The following UCHL1 variants were observed in gnomAD, a reference collection of about 807,000 sequenced individuals.
UCHL1 encodes the protein ubiquitin carboxyl-terminal hydrolase isozyme L1.
In UCHL1, 5 loss-of-function variants were observed where a neutral mutation model predicts 33.3. The ratio of observed to expected loss-of-function variants is 0.15; its 90% CI spans 0.08 to 0.32. UCHL1 has a LOEUF of 0.32. Ranked by LOEUF, UCHL1 falls within the 10% of genes least tolerant of loss-of-function variation. The pLI is 1.00. For missense variants in UCHL1, 236 were observed against 280.0 expected (o/e 0.84, Z 1.12); for synonymous variants, 132 against 108.8 (o/e 1.21, Z -1.33).
chr4:41,256,957 C>T lies in UCHL1; in HGVS notation c.-20C>T, dbSNP rs769324047. On this transcript the variant is annotated 5_prime_UTR_variant, in exon 1 of 9. Coordinates refer to ENST00000284440, the MANE Select transcript of UCHL1 (RefSeq NM_004181.5). ...GTTTTTCGTCTTCCCTAGGCTATTT[C>T]TGCCGGGCGCTCCGCGAAGATGCAG... The T allele has an allele frequency of 3.1e-6, 5 of 1,614,168 alleles. No homozygotes were observed. In the Admixed American group the frequency reaches 5.0e-5, roughly 16 times the overall value.
Position 41,257,073 on chromosome 4 carries a change from G to T in UCHL1, c.34-42G>T. ...CCGAGGGAGGGGGAGCCGAGTCGCT[G>T]ATCGGTTCGGTTTTGCCTTTTTCTT... On this transcript the variant is annotated intron_variant, in intron 1 of 8. Transcript: ENST00000284440. 4 of 1,614,124 alleles carry T rather than the reference G, an allele frequency of 2.5e-6. No individual in the cohort carries two copies. The South Asian group carries it at 4.4e-5, about 18-fold the overall frequency.
At chr4:41,262,010 C>G in intron 6 of UCHL1, 87 bp downstream of exon 6, 2 of 1,552,550 alleles carry the variant, frequency 1.3e-6, no homozygotes, top group East Asian at 4.7e-5. Context: ...TACTGGAACA[C>G]AGCAAATGTT....
chr4:41,267,463 G>T (rs1000723042), intron 8 of UCHL1, among the ~76,000 whole-genome samples: 1 of 152,052 alleles, frequency 6.6e-6, no homozygotes, highest in Admixed American at 6.5e-5. Flanking sequence ...GGCCAGGATG[G>T]TCTCTATCTC....
intron 2 of UCHL1, 48 bp from the exon 3 acceptor site, chr4:41,257,561 C>G: frequency 6.9e-7 from 1 of 1,459,628 alleles, no homozygotes. Flanking sequence ...CAGGTGCCCG[C>G]GACCCGCGTG....
chr4:41,257,423 A>G, intron 2 of UCHL1, 186 bp from the exon 3 acceptor site: 1 of 950,532 alleles, frequency 1.1e-6, no homozygotes. Flanking sequence ...CGCGGGCGCC[A>G]CGTGTGGGCC....
chr4:41,262,015 A>G, intron 6 of UCHL1, 92 bp downstream of exon 6: 1 of 1,536,714 alleles, frequency 6.5e-7, no homozygotes, highest in Admixed American at 1.9e-5. Context: ...GAACACAGCA[A>G]ATGTTATCCA....
In UCHL1 at chr4:41,260,807, G is replaced by A. The variant is rs1369136025; in HGVS notation, c.325+10G>A. On this transcript the variant is annotated intron_variant, in intron 4 of 8. Coordinates refer to ENST00000284440, the MANE Select transcript of UCHL1 (RefSeq NM_004181.5). ...GACAAACTGGGATTTGGTAGGTGTG[G>A]GTTTTGAGGCCAGCCATCCTAAGCT... 1.9e-6 allele frequency: 3 copies of A among 1,614,098 alleles called. No homozygotes were observed. Among genetic ancestry groups the A allele is most frequent in the South Asian group, 1.1e-5 (1 of 91,068 alleles).
chr4:41,264,378 T>A (rs1245049857), intron 8 of UCHL1: 2 of 612,318 alleles, frequency 3.3e-6, no homozygotes, highest in Non-Finnish European at 2.9e-6. Flanking sequence ...GTAATCTGTT[T>A]CATGTGTTGT....
intron 3 of UCHL1, among the ~76,000 whole-genome samples, chr4:41,259,983 C>T (rs1017151012): frequency 2.2e-4 from 33 of 152,300 alleles, no homozygotes; most frequent in Admixed American, 1.8e-3. Flanking sequence ...CCTCAAATTG[C>T]CAGTCTGTCC....
intron 3 of UCHL1, among the ~76,000 whole-genome samples, chr4:41,259,537 G>C (rs913746858): frequency 6.6e-6 from 1 of 152,158 alleles, no homozygotes; most frequent in African/African-American, 2.4e-5. Flanking sequence ...TGGGGTAAGA[G>C]ATCTTACTCT....
rs559788950 is a variant in UCHL1 at position 41,257,544 on chromosome 4, C to T, written c.46-65C>T. The stretch of plus-strand genomic sequence containing the variant: ...GAGGGCGCGCGCCTCCTGGCCCCGC[C>T]CCCTGGCAGGTGCCCGCGACCCGCG... On this transcript the variant is annotated intron_variant, in intron 2 of 8. Coordinates refer to ENST00000284440, the MANE Select transcript of UCHL1 (RefSeq NM_004181.5). The T allele has an allele frequency of 2.4e-4, 341 of 1,431,494 alleles. 1 individual carries two copies. In the South Asian group the frequency reaches 4.8e-3, roughly 20 times the overall value. The allele number at this position is 1,431,494 out of a possible 1,614,324, so 88.7% of individuals were successfully genotyped here.
At chr4:41,258,602 T>C (rs986963124) in intron 3 of UCHL1, among the ~76,000 whole-genome samples, 1 of 152,192 alleles carries the variant, frequency 6.6e-6, no homozygotes, top group African/African-American at 2.4e-5. Context: ...TTGCTGTCAC[T>C]TGACCGCTGA....
At chr4:41,265,859 G>A (rs1476050250) in intron 8 of UCHL1, among the ~76,000 whole-genome samples, 2 of 152,176 alleles carry the variant, frequency 1.3e-5, no homozygotes, top group Non-Finnish European at 2.9e-5. Context: ...GAGCCAGGAT[G>A]GGATGGAAGG....
chr4:41,259,459 T>C (rs1186548407), intron 3 of UCHL1, among the ~76,000 whole-genome samples: 43 of 152,324 alleles, frequency 2.8e-4, no homozygotes, highest in African/African-American at 1.0e-3. Flanking sequence ...GGTCAATGAA[T>C]ACTAAGTTGA....
rs961648859 is a variant in UCHL1, at chr4:41,263,082, T to C, written c.460-143T>C. The C allele has an allele frequency of 2.9e-5, 20 of 699,204 alleles. No homozygotes were observed. The South Asian group carries it at 3.2e-4, about 11-fold the overall frequency. 43.3% of individuals were successfully genotyped at this position (699,204 alleles called of 1,614,324 possible). Reference sequence around the variant, plus strand: ...TATATTTACCTTAGTGGGCTTAGAATAGGGCTTAATGTAAGACATACATTA... The same window carrying C: ...TATATTTACCTTAGTGGGCTTAGAACAGGGCTTAATGTAAGACATACATTA... On this transcript the variant is annotated intron_variant, in intron 6 of 8. Transcript: ENST00000284440.
At chr4:41,263,475 A>G (rs1781105836) in intron 7 of UCHL1, among the ~76,000 whole-genome samples, 184 bp downstream of exon 7, 1 of 152,110 alleles carries the variant, frequency 6.6e-6, no homozygotes, top group East Asian at 1.9e-4. Context: ...TCCTCAGGCA[A>G]CTGACTAGCA....
At chr4:41,261,630 T>C in intron 4 of UCHL1, 85 bp from the exon 5 acceptor site, 1 of 1,443,618 alleles carries the variant, frequency 6.9e-7, no homozygotes, top group Non-Finnish European at 9.6e-7. Flanking sequence ...TTGCTCAGCA[T>C]GTTCAGCAAA....
Position 41,268,428 on chromosome 4 carries a change from T to G in UCHL1, c.*355T>G. The G allele has an allele frequency of 3.4e-6, 1 of 289,978 alleles. No individual in the cohort carries two copies. Among genetic ancestry groups the G allele is most frequent in the Non-Finnish European group, 6.5e-6 (1 of 153,390 alleles). 18.0% of individuals were successfully genotyped at this position (289,978 alleles called of 1,614,324 possible). The stretch of plus-strand genomic sequence containing the variant: ...GAATAAAACTTTTCTGCTGATAAGA[T>G]AGCCACAGCTGATTCTCATTTTCTT... On this transcript the variant is annotated 3_prime_UTR_variant, in exon 9 of 9. Transcript: ENST00000284440.
In UCHL1 at chr4:41,268,347, G is replaced by T; in HGVS notation, c.*274G>T. 1 of 498,700 alleles carries T rather than the reference G, an allele frequency of 2.0e-6. No homozygotes were observed. Among genetic ancestry groups the T allele is most frequent in the South Asian group, 2.6e-5 (1 of 38,432 alleles). 30.9% of individuals were successfully genotyped at this position (498,700 alleles called of 1,614,324 possible). ...ATCTAACGCTTTAAATGGCTACTTT[G>T]GTTTCTGTCTGTAAGTTAAGACCTT... On this transcript the variant is annotated 3_prime_UTR_variant, in exon 9 of 9. Coordinates refer to ENST00000284440, the MANE Select transcript of UCHL1 (RefSeq NM_004181.5).
Sources: allele counts gnomAD v4.1 joint callset (sites outside exome capture counted in the v4.1 genomes callset), GRCh38; gene constraint gnomAD v4.1.1; transcripts MANE v1.5; gene names NCBI Gene and HGNC (gene_info 2026-07-23, HGNC 2026-07-21).